HIRA: variants seen among roughly 807,000 people sequenced by gnomAD.
HIRA encodes the protein histone cell cycle regulator.
In HIRA, 13 loss-of-function variants were observed where a neutral mutation model predicts 126.6. The ratio of observed to expected loss-of-function variants is 0.10; its 90% CI spans 0.07 to 0.16. The LOEUF (loss-of-function observed/expected upper bound fraction) is 0.16. Among genes scored for constraint, HIRA ranks in the 10% least tolerant of loss-of-function variants. The pLI is 1.00. For missense variants in HIRA, 834 were observed against 1,314.4 expected (o/e 0.63, Z 5.65); for synonymous variants, 511 against 520.0 (o/e 0.98, Z 0.24).
At chr22:19,403,997 A>G (rs2089289397) in intron 5 of HIRA, among the ~76,000 whole-genome samples, 1 of 152,164 alleles carries the variant, frequency 6.6e-6, no homozygotes, top group Non-Finnish European at 1.5e-5. Context: ...CTTTAGCTTA[A>G]TAGTACAAAC....
chr22:19,394,899 C>G (rs952323813), intron 7 of HIRA, among the ~76,000 whole-genome samples: 1 of 152,188 alleles, frequency 6.6e-6, no homozygotes, highest in Admixed American at 6.5e-5. Flanking sequence ...ACAGCATCCT[C>G]AAGATATACT....
intron 15 of HIRA, among the ~76,000 whole-genome samples, chr22:19,370,778 C>T (rs2088957759): frequency 6.6e-6 from 1 of 152,172 alleles, no homozygotes; most frequent in African/African-American, 2.4e-5. Flanking sequence ...GAAGCTCAGC[C>T]CCAAGTGAAT....
intron 1 of HIRA, chr22:19,430,115 T>C (rs1010714748): frequency 9.9e-5 from 15 of 152,188 alleles, no homozygotes; most frequent in African/African-American, 2.4e-4. Context: ...ATTTATCACA[T>C]ACCCATCATG....
chr22:19,365,340 T>A (rs941983628), intron 15 of HIRA, among the ~76,000 whole-genome samples: 1 of 152,252 alleles, frequency 6.6e-6, no homozygotes, highest in Non-Finnish European at 1.5e-5. Context: ...CATCTAGGAC[T>A]TTCCTAGCTA....
Position 19,362,608 on chromosome 22 carries a change from T to C in HIRA, c.1776-677A>G, listed in dbSNP as rs576024009. 6.6e-5 allele frequency among the ~76,000 whole-genome samples: 10 copies of C among 152,198 alleles called. No homozygotes were observed. The South Asian group carries it at 2.1e-3, about 32-fold the overall frequency. On this transcript the variant is annotated intron_variant, in intron 15 of 24. Transcript: ENST00000263208. ...GGATTTTCACTCTTCTCGCCCAGCC[T>C]GGAATGCAATGGTGTGATCTTGGCT...
intron 15 of HIRA, among the ~76,000 whole-genome samples, chr22:19,373,007 A>G (rs535238116): frequency 1.4e-4 from 22 of 152,210 alleles, no homozygotes; most frequent in Non-Finnish European, 2.9e-5. Flanking sequence ...TGTCCAGCCA[A>G]AAGTTTTAAA....
intron 15 of HIRA, among the ~76,000 whole-genome samples, chr22:19,372,660 C>T (rs947905887): frequency 1.7e-4 from 26 of 150,740 alleles, no homozygotes; most frequent in Middle Eastern, 3.4e-3. Context: ...CAACCTCTGT[C>T]CCCCGAGTTT....
intron 1 of HIRA, among the ~76,000 whole-genome samples, chr22:19,416,918 G>A (rs940017882): frequency 4.6e-5 from 7 of 152,188 alleles, no homozygotes; most frequent in East Asian, 1.9e-4. Flanking sequence ...ATACAAATGA[G>A]GCACGGTGCA....
intron 15 of HIRA, among the ~76,000 whole-genome samples, chr22:19,369,912 C>G (rs1255011148): frequency 6.6e-6 from 1 of 152,196 alleles, no homozygotes; most frequent in Non-Finnish European, 1.5e-5. Context: ...CTGGGCGACA[C>G]AGCGAGACTC....
chr22:19,410,636 T>G (rs1327705935), intron 2 of HIRA, 80 bp downstream of exon 2: 1 of 1,008,448 alleles, frequency 9.9e-7, no homozygotes, highest in African/African-American at 1.6e-5. Context: ...AAGTATTCCC[T>G]CTACAGCTAA....
intron 24 of HIRA, among the ~76,000 whole-genome samples, chr22:19,336,798 C>T (rs947826293): frequency 2.6e-5 from 4 of 152,180 alleles, no homozygotes; most frequent in East Asian, 1.9e-4. Context: ...TAATAATCAC[C>T]GCAGTCTGGC....
chr22:19,397,083 G>T, intron 6 of HIRA, 136 bp from the exon 7 acceptor site: 1 of 718,874 alleles, frequency 1.4e-6, no homozygotes. Flanking sequence ...GACAGAAGCA[G>T]AAGGGCCTCC....
At chr22:19,397,949 G>T in intron 6 of HIRA, 43 bp downstream of exon 6, 1 of 1,456,598 alleles carries the variant, frequency 6.9e-7, no homozygotes, top group Non-Finnish European at 9.6e-7. Context: ...GAAACTGACA[G>T]GCAGTACTGC....
chr22:19,341,854 G>A (rs1471274194), intron 24 of HIRA, among the ~76,000 whole-genome samples: 1 of 152,172 alleles, frequency 6.6e-6, no homozygotes, highest in East Asian at 1.9e-4. Context: ...AATTCTAGAA[G>A]ATAACATCGG....
At chr22:19,358,716 G>A (rs782013667) in intron 18 of HIRA, among the ~76,000 whole-genome samples, 7 of 152,192 alleles carry the variant, frequency 4.6e-5, no homozygotes, top group Non-Finnish European at 1.0e-4. Context: ...GATTAAGGGT[G>A]TAATTATGAT....
chr22:19,340,303 T>G (rs1019453520), intron 24 of HIRA, among the ~76,000 whole-genome samples: 1 of 151,846 alleles, frequency 6.6e-6, no homozygotes, highest in South Asian at 2.1e-4. Flanking sequence ...CGAAAAAGCA[T>G]CTGACAAAAT....
At chr22:19,338,857 C>T (rs2088595649) in intron 24 of HIRA, among the ~76,000 whole-genome samples, 1 of 152,156 alleles carries the variant, frequency 6.6e-6, no homozygotes, top group African/African-American at 2.4e-5. Context: ...TACACAGCAA[C>T]ACAGTAACAG....
chr22:19,402,368 G>A (rs1032310127), intron 5 of HIRA, among the ~76,000 whole-genome samples: 1 of 152,170 alleles, frequency 6.6e-6, no homozygotes, highest in Non-Finnish European at 1.5e-5. Flanking sequence ...TGTGATTTAA[G>A]TCTTACAAAA....
intron 13 of HIRA, among the ~76,000 whole-genome samples, chr22:19,382,188 A>G (rs768224142): frequency 3.9e-5 from 6 of 152,238 alleles, no homozygotes; most frequent in African/African-American, 9.6e-5. Flanking sequence ...TTTTAATACC[A>G]AAAGGATCAG....
Sources: gnomAD v4.1 joint callset for allele counts (sites outside exome capture counted in the v4.1 genomes callset) on GRCh38, gnomAD v4.1.1 for gene constraint, MANE v1.5 for transcripts, NCBI Gene and HGNC (gene_info 2026-07-23, HGNC 2026-07-21) for gene names.